GDPD3: variants seen among roughly 807,000 people sequenced by gnomAD.
The protein encoded by GDPD3 is lysophospholipase D GDPD3.
A neutral mutation model predicts 43.7 loss-of-function variants in GDPD3; 40 were observed. The ratio of observed to expected loss-of-function variants is 0.91; its 90% CI spans 0.71 to 1.19. GDPD3 has a LOEUF of 1.19. GDPD3 is among the 50% of genes most tolerant of loss of function. The pLI, the probability that GDPD3 is intolerant of heterozygous loss-of-function variation, is 0.00. For synonymous variants in GDPD3, 145 were observed against 162.9 expected, an observed-to-expected ratio of 0.89 and a Z score of 0.84; for missense variants, 363 against 415.8, an observed-to-expected ratio of 0.87 and a Z score of 1.11.
Position 30,108,392 on chromosome 16 carries a change from A to G in GDPD3, c.748T>C (p.Leu250=). ...PFSCSCLNQL[L]AVVSKWLIMR... ...CCTCACCATTTCGAAACCACAGCCA[A>G]TAACTGGTTCAGGCAAGAGCAGGAA... The change falls in exon 8 of 10, where the codon TTG becomes CTG. Residue 250 remains leucine (L), a synonymous_variant. Coordinates refer to ENST00000406256, the MANE Select transcript of GDPD3 (RefSeq NM_024307.3). The G allele has an allele frequency of 6.2e-7, 1 of 1,614,060 alleles. No homozygotes were observed. The highest frequency in any genetic ancestry group is 8.5e-7 in the Non-Finnish European group (1 of 1,179,980).
At chr16:30,111,611 C>A in intron 6 of GDPD3, 90 bp from the exon 7 acceptor site, 1 of 1,407,168 alleles carries the variant, frequency 7.1e-7, no homozygotes. Context: ...GTGGGCATTC[C>A]AGAGGCCCTA....
At position 30,113,263 on chromosome 16, in the gene GDPD3, G is replaced by A. The variant is rs1035372273; in HGVS notation, c.139+77C>T. On this transcript the variant is annotated intron_variant, in intron 1 of 9. Transcript: ENST00000406256. The surrounding 1 kb of genome is among the most constrained non-coding windows in gnomAD (Gnocchi z 5.9). ...CTCCTTCTCTCTTGGTCCCTGCCCC[G>A]TTTCTAGCATGCCCCCTTGGACCTA... is the stretch of plus-strand genomic sequence containing the variant. The A allele has an allele frequency of 7.5e-5, 114 of 1,513,310 alleles. 1 individual carries two copies. Among genetic ancestry groups the A allele is most frequent in the Admixed American group, 5.0e-4 (24 of 48,330 alleles). The allele number at this position is 1,513,310 out of a possible 1,614,324, so 93.7% of individuals were successfully genotyped here. A position where few individuals can be genotyped will look rare whatever the true frequency, so the allele number is the denominator to read the frequency against.
At chr16:30,108,621 C>T (rs575624182) in intron 7 of GDPD3, 189 bp from the exon 8 acceptor site, 322 of 582,540 alleles carry the variant, frequency 5.5e-4, no homozygotes, top group African/African-American at 4.8e-3. Flanking sequence ...CTGACCACCA[C>T]GCTTCAAGGG....
intron 6 of GDPD3, 27 bp from the exon 7 acceptor site, chr16:30,111,548 A>C (rs1333987205): frequency 1.9e-6 from 3 of 1,612,484 alleles, no homozygotes; most frequent in Admixed American, 3.3e-5. Context: ...AGGCATGAGA[A>C]TCTGTCTGCT....
chr16:30,111,767 T>C, intron 6 of GDPD3: 1 of 535,108 alleles, frequency 1.9e-6, no homozygotes, highest in East Asian at 3.4e-5. Flanking sequence ...ACCCCATCTC[T>C]ACTAAAAATA....
rs1347551967 is a variant in GDPD3 at position 30,112,848 on chromosome 16, T to C, written c.183-55A>G. The C allele has an allele frequency of 6.3e-7, 1 of 1,584,218 alleles. No homozygotes were observed. Among genetic ancestry groups the C allele is most frequent in the Non-Finnish European group, 8.6e-7 (1 of 1,162,138 alleles). ...GGGCAGGGGACTGGGATGAGGGGCA[T>C]GGTGGCTGGGAGGTGGCCGGGAATG... On this transcript the variant is annotated intron_variant, in intron 2 of 9. Coordinates refer to ENST00000406256, the MANE Select transcript of GDPD3 (RefSeq NM_024307.3). This position sits in a 1 kb window ranked among gnomAD's most constrained non-coding sequence, Gnocchi z 5.4.
At position 30,113,357 on chromosome 16, in the gene GDPD3, A is replaced by G; in HGVS notation, c.122T>C (p.Leu41Pro). ...CGGCTCACCTCCTCGGTGGGCCCCC[A>G]GGCGGATGCGGAAGGTGGGAGCCCT... ...TPRAPTFRIRLGAHRGGSGEL... is the reference protein window; with the variant it reads ...TPRAPTFRIRPGAHRGGSGEL... The change falls in exon 1 of 10, where the codon CTG (leucine) becomes CCG (proline). Residue 41 changes from leucine to proline, a missense_variant. Coordinates refer to ENST00000406256, the MANE Select transcript of GDPD3 (RefSeq NM_024307.3). This position sits in a 1 kb window ranked among gnomAD's most constrained non-coding sequence, Gnocchi z 5.9. 1 of 1,604,794 alleles carries G rather than the reference A, an allele frequency of 6.2e-7. No homozygotes were observed. The highest frequency in any genetic ancestry group is 8.5e-7 in the Non-Finnish European group (1 of 1,174,774).
In GDPD3 at chr16:30,111,530, G is replaced by T. The variant is rs1416536170; in HGVS notation, c.574-9C>A. 1 of 1,613,574 alleles carries T rather than the reference G, an allele frequency of 6.2e-7. No homozygotes were observed. Among genetic ancestry groups the T allele is most frequent in the African/African-American group, 1.3e-5 (1 of 74,996 alleles). On this transcript the variant is annotated splice_polypyrimidine_tract_variant and intron_variant, in intron 6 of 9. Coordinates refer to ENST00000406256, the MANE Select transcript of GDPD3 (RefSeq NM_024307.3). ...AGGGGCATCTCGGGGTTCTGGGGAG[G>T]CAAGGAGAGGCATGAGAATCTGTCT...
Position 30,112,284 on chromosome 16 carries a change from C to T in GDPD3, c.483+22G>A, listed in dbSNP as rs2072906807. On this transcript the variant is annotated intron_variant, in intron 5 of 9. Coordinates refer to ENST00000406256, the MANE Select transcript of GDPD3 (RefSeq NM_024307.3). This position sits in a 1 kb window ranked among gnomAD's most constrained non-coding sequence, Gnocchi z 5.4. ...CTCTCTCACGCCCCCGGTGGCCGCC[C>T]TAGCCCTGCCTGCAGCACCACCTCA... 1 of 1,613,490 alleles carries T rather than the reference C, an allele frequency of 6.2e-7. No homozygotes were observed. The highest frequency in any genetic ancestry group is 8.5e-7 in the Non-Finnish European group (1 of 1,179,542).
At position 30,113,109 on chromosome 16, in the gene GDPD3, G is replaced by C. The variant is rs1283257272; in HGVS notation, c.140-45C>G. 1 of 1,558,474 alleles carries C rather than the reference G, an allele frequency of 6.4e-7. No homozygotes were observed. Among genetic ancestry groups the C allele is most frequent in the Admixed American group, 1.7e-5 (1 of 59,070 alleles). Reference sequence around the variant, plus strand: ...GGGCCTCTGGGGCTTGGGGTCTAGGGGCCTGGCCCAACCTCATCACCCACA... The same window carrying C: ...GGGCCTCTGGGGCTTGGGGTCTAGGCGCCTGGCCCAACCTCATCACCCACA... On this transcript the variant is annotated intron_variant, in intron 1 of 9. Transcript: ENST00000406256. The surrounding 1 kb of genome is among the most constrained non-coding windows in gnomAD (Gnocchi z 5.9).
At chr16:30,105,456 C>CA (rs371773622) in intron 9 of GDPD3, among the ~76,000 whole-genome samples, 5,731 of 110,946 alleles carry the variant, frequency 0.052, 367 homozygotes, top group African/African-American at 0.16. Context: ...GACCTCGTCT[C>CA]AAAAAAAAAA....
At chr16:30,106,013 A>G (rs1872128931) in intron 9 of GDPD3, among the ~76,000 whole-genome samples, 1 of 151,898 alleles carries the variant, frequency 6.6e-6, no homozygotes, top group South Asian at 2.1e-4. Flanking sequence ...CAGAAGGCTG[A>G]GGCAGGAGAA....
intron 7 of GDPD3, chr16:30,111,155 A>T: frequency 4.2e-6 from 2 of 480,786 alleles, no homozygotes; most frequent in Non-Finnish European, 7.4e-6. Context: ...AATATGCTAG[A>T]TGGCCTGAGA....
chr16:30,105,589 C>G (rs2072853699), intron 9 of GDPD3, among the ~76,000 whole-genome samples: 1 of 151,214 alleles, frequency 6.6e-6, no homozygotes, highest in Non-Finnish European at 1.5e-5. Flanking sequence ...ACTGCAAGCT[C>G]TGCCTCCCGG....
chr16:30,105,826 A>G (rs1424421070), intron 9 of GDPD3, among the ~76,000 whole-genome samples: 1 of 148,546 alleles, frequency 6.7e-6, no homozygotes, highest in Non-Finnish European at 1.5e-5. Flanking sequence ...TAAAACAACA[A>G]GTGGCCAGGC....
chr16:30,112,880 C>T lies in GDPD3; in HGVS notation c.183-87G>A, dbSNP rs1222511063. On this transcript the variant is annotated intron_variant, in intron 2 of 9. Coordinates refer to ENST00000406256, the MANE Select transcript of GDPD3 (RefSeq NM_024307.3). The surrounding 1 kb of genome is among the most constrained non-coding windows in gnomAD (Gnocchi z 5.4). ...TGGGAGGTGGCCGGGAATGTGAGAG[C>T]GGAGTTCGTGGCGGGATGTGCAGGC... The T allele has an allele frequency of 1.8e-5, 27 of 1,541,274 alleles. No individual in the cohort carries two copies. Among genetic ancestry groups the T allele is most frequent in the Admixed American group, 5.1e-5 (3 of 58,818 alleles).
At position 30,113,403 on chromosome 16, in the gene GDPD3, G is replaced by A. The variant is rs1194509025; in HGVS notation, c.76C>T (p.Pro26Ser). 2 of 1,612,636 alleles carry A rather than the reference G, an allele frequency of 1.2e-6. No individual in the cohort carries two copies. The highest frequency in any genetic ancestry group is 1.1e-5 in the South Asian group (1 of 90,916). Residue 26 changes from proline (P) to serine (S), a missense_variant, in exon 1 of 10, where the codon CCT becomes TCT. By Grantham distance (74) the Pro-to-Ser change is moderately conservative. Transcript: ENST00000406256. The surrounding 1 kb of genome is among the most constrained non-coding windows in gnomAD (Gnocchi z 5.9). Reference protein sequence around the residue: ...AMLSIFFLRRPHLLHTPRAPT... With the variant: ...AMLSIFFLRRSHLLHTPRAPT... Reference sequence around the variant, plus strand: ...GCCCTGGGCGTGTGCAGCAGATGAGGCCGGCGCAGGAAGAAGATGGAGAGC... The same window carrying A: ...GCCCTGGGCGTGTGCAGCAGATGAGACCGGCGCAGGAAGAAGATGGAGAGC...
At chr16:30,107,012 G>GC (rs1325485296) in intron 9 of GDPD3, among the ~76,000 whole-genome samples, 3 of 151,982 alleles carry the variant, frequency 2.0e-5, no homozygotes, top group Admixed American at 6.6e-5. Context: ...CCCTGCCTCT[G>GC]CATTTTTCTT....
In GDPD3 at chr16:30,104,915, C is replaced by T. The variant is rs1227213278; in HGVS notation, c.914G>A (p.Arg305Gln). The change falls in exon 10 of 10, where the codon CGG (arginine) becomes CAG (glutamine). Residue 305 changes from arginine to glutamine, a missense_variant. Physicochemically the swap from Arg to Gln is conservative, Grantham distance 43. Transcript: ENST00000406256. ...GVITDYPTAL[R>Q]HYLDNHGPAA... ...TGGTCCATGGTTGTCCAGGTAGTGC[C>T]GCAGGGCTGTGGGATAATCCGTTAT... 5.6e-6 allele frequency: 9 copies of T among 1,612,664 alleles called. No homozygotes were observed. The highest frequency in any genetic ancestry group is 2.1e-4 in the Middle Eastern group (1 of 4,854).
Sources: allele counts gnomAD v4.1 joint callset (sites outside exome capture counted in the v4.1 genomes callset), GRCh38; gene constraint gnomAD v4.1.1; non-coding constraint Gnocchi (gnomAD v3.1); transcripts MANE v1.5; gene names NCBI Gene and HGNC (gene_info 2026-07-23, HGNC 2026-07-21).